The following PLA2G2C variants were observed in gnomAD, a reference collection of about 807,000 sequenced individuals.
The protein encoded by PLA2G2C is putative inactive group IIC secretory phospholipase A2.
Under a neutral mutation model 14.3 loss-of-function variants are expected in PLA2G2C, and 15 were observed. The ratio of observed to expected loss-of-function variants is 1.05; its 90% CI spans 0.70 to 1.62. The LOEUF (loss-of-function observed/expected upper bound fraction) is 1.62, where lower values mean the gene tolerates loss of function less well. PLA2G2C is among the 40% of genes most tolerant of loss of function. PLA2G2C has a pLI of 0.00. For synonymous variants in PLA2G2C, 79 were observed against 67.7 expected (o/e 1.17, Z -0.82); for missense variants, 162 against 173.2 (o/e 0.94, Z 0.36).
intron 4 of PLA2G2C, among the ~76,000 whole-genome samples, chr1:20,170,293 T>G (rs535351885): frequency 3.9e-5 from 6 of 152,370 alleles, no homozygotes; most frequent in Admixed American, 3.9e-4. Context: ...TCAAGACACA[T>G]GCATCTTAAT....
intron 2 of PLA2G2C, 175 bp from the exon 3 acceptor site, chr1:20,175,320 G>A (rs960769965): frequency 5.6e-6 from 5 of 899,370 alleles, no homozygotes; most frequent in East Asian, 2.6e-5. Context: ...AATAAAATAG[G>A]TTCAGATTTG....
intron 3 of PLA2G2C, among the ~76,000 whole-genome samples, chr1:20,173,386 T>C (rs2018123782): frequency 6.6e-6 from 1 of 152,182 alleles, no homozygotes; most frequent in Admixed American, 6.5e-5. Flanking sequence ...CTAGTATCTG[T>C]TGCTATCTCA....
chr1:20,185,006 T>C (rs751798061), intron 1 of PLA2G2C, among the ~76,000 whole-genome samples: 11 of 151,898 alleles, frequency 7.2e-5, no homozygotes, highest in Non-Finnish European at 1.3e-4. Context: ...TAATAAAAAT[T>C]AGCCAAGCAT....
At chr1:20,174,937 T>C in intron 3 of PLA2G2C, 70 bp downstream of exon 3, 1 of 1,420,320 alleles carries the variant, frequency 7.0e-7, no homozygotes, top group Non-Finnish European at 9.6e-7. Flanking sequence ...CCTAACACCC[T>C]CTCTCTGGCT....
intron 4 of PLA2G2C, among the ~76,000 whole-genome samples, chr1:20,170,647 G>T (rs1215582363): frequency 6.6e-6 from 1 of 152,140 alleles, no homozygotes; most frequent in Non-Finnish European, 1.5e-5. Context: ...GGCAAGGTGG[G>T]GGTGGGGATG....
At chr1:20,180,936 T>C (rs767224609) in intron 1 of PLA2G2C, among the ~76,000 whole-genome samples, 9 of 152,242 alleles carry the variant, frequency 5.9e-5, no homozygotes, top group Non-Finnish European at 8.8e-5. Flanking sequence ...TTCCTCCCCA[T>C]AGAGAAAATA....
At chr1:20,180,810 G>A (rs1353173353) in intron 1 of PLA2G2C, among the ~76,000 whole-genome samples, 1 of 152,236 alleles carries the variant, frequency 6.6e-6, no homozygotes, top group African/African-American at 2.4e-5. Flanking sequence ...GGCCTCCCAC[G>A]CCAGCCCCTA....
rs3035013 is a variant in PLA2G2C at position 20,179,735 on chromosome 1, AGTGTGTGT to A, written c.-76-2304_-76-2297del. On this transcript the variant is annotated intron_variant, in intron 1 of 4. Transcript: ENST00000679259. ...GTGTGTCAGCTTCTCCCTCTATGTC[AGTGTGTGT>A]GTGTGTGTGTGTGTGTGTGTGTGTG... Among the ~76,000 whole-genome samples, 126 of 111,568 alleles carry A rather than the reference AGTGTGTGT, an allele frequency of 1.1e-3. 1 individual carries two copies. Among genetic ancestry groups the A allele is most frequent in the African/African-American group, 2.1e-3 (62 of 29,540 alleles). The allele number at this position is 111,568 out of a possible 152,430, so 73.2% of individuals were successfully genotyped here.
chr1:20,183,264 A>G (rs1006727812), intron 1 of PLA2G2C, among the ~76,000 whole-genome samples: 3 of 152,226 alleles, frequency 2.0e-5, no homozygotes, highest in Admixed American at 6.5e-5. Context: ...CATTTACCTA[A>G]CGTCTTCAGC....
chr1:20,172,906 G>A lies in PLA2G2C; in HGVS notation c.180-9C>T, dbSNP rs377736308. 1.1e-4 allele frequency: 173 copies of A among 1,607,268 alleles called. No homozygotes were observed. The African/African-American group carries it at 2.1e-3, about 20-fold the overall frequency. ...GAGATGAGGGGCTGTGCCTGGAAGT[G>A]GGTCCCTCAGGAATCTGCTGGAGGA... is the stretch of plus-strand genomic sequence containing the variant. On this transcript the variant is annotated splice_polypyrimidine_tract_variant and intron_variant, in intron 3 of 4. Coordinates refer to ENST00000679259, the MANE Select transcript of PLA2G2C (RefSeq NM_001367969.2).
chr1:20,169,909 G>A (rs1352274622), intron 4 of PLA2G2C, among the ~76,000 whole-genome samples: 1 of 152,238 alleles, frequency 6.6e-6, no homozygotes, highest in African/African-American at 2.4e-5. Flanking sequence ...CCAGGGCAGA[G>A]CATTCTGACC....
chr1:20,163,864 T>A lies in PLA2G2C; in HGVS notation c.*127A>T, dbSNP rs2017912418. ...CAGAATGCTGAAGGGTGAGCTGCCC[T>A]GCGGGAGACATTTTGTCCTCCCTCC... On this transcript the variant is annotated 3_prime_UTR_variant, in exon 5 of 5. Coordinates refer to ENST00000679259, the MANE Select transcript of PLA2G2C (RefSeq NM_001367969.2). 4 of 1,084,946 alleles carry A rather than the reference T, an allele frequency of 3.7e-6. No individual in the cohort carries two copies. Among genetic ancestry groups the A allele is most frequent in the Non-Finnish European group, 5.2e-6 (4 of 772,806 alleles). The allele number at this position is 1,084,946 out of a possible 1,614,324, so 67.2% of individuals were successfully genotyped here. A position where few individuals can be genotyped will look rare whatever the true frequency, so the allele number is the denominator to read the frequency against.
chr1:20,181,636 G>A (rs777929670), intron 1 of PLA2G2C, among the ~76,000 whole-genome samples: 3 of 151,818 alleles, frequency 2.0e-5, no homozygotes, highest in Admixed American at 6.6e-5. Context: ...TTTAGATGCA[G>A]TTCTAACAAG....
rs758545274 is a variant in PLA2G2C, at chr1:20,163,658, G to A, written c.*333C>T. ...GTGGGGTTGGGTGCATCTCTATCCC[G>A]TCCCTTTGTTTTACTGCATCATAGC... On this transcript the variant is annotated 3_prime_UTR_variant, in exon 5 of 5. Transcript: ENST00000679259. The A allele has an allele frequency of 1.3e-4, 27 of 200,978 alleles. No individual in the cohort carries two copies. The highest frequency in any genetic ancestry group is 1.4e-4 in the African/African-American group (6 of 42,700). The allele number at this position is 200,978 out of a possible 1,614,324, so 12.4% of individuals were successfully genotyped here.
At chr1:20,184,499 A>C (rs2018332702) in intron 1 of PLA2G2C, 1 of 152,294 alleles carries the variant, frequency 6.6e-6, no homozygotes, top group Admixed American at 6.5e-5. Flanking sequence ...CAACCCAAAG[A>C]AGAGGCCTGG....
At chr1:20,167,427 G>T (rs1191068842) in intron 4 of PLA2G2C, among the ~76,000 whole-genome samples, 1 of 152,124 alleles carries the variant, frequency 6.6e-6, no homozygotes, top group East Asian at 1.9e-4. Flanking sequence ...CAGGAGCCTG[G>T]GGTGCAGCCT....
At chr1:20,164,185 G>T in intron 4 of PLA2G2C, 28 bp from the exon 5 acceptor site, 2 of 1,597,728 alleles carry the variant, frequency 1.3e-6, no homozygotes, top group Admixed American at 1.7e-5. Flanking sequence ...GTCACTGGGG[G>T]CTCCCAGCCC....
intron 4 of PLA2G2C, among the ~76,000 whole-genome samples, chr1:20,168,205 C>T (rs1230498815): frequency 3.9e-5 from 6 of 152,240 alleles, no homozygotes; most frequent in Admixed American, 2.6e-4. Flanking sequence ...CTTCCCTCTC[C>T]AAGCCTGTTT....
At chr1:20,172,757 G>A (rs536208244) in intron 4 of PLA2G2C, 37 bp downstream of exon 4, 30 of 1,550,558 alleles carry the variant, frequency 1.9e-5, no homozygotes, top group Non-Finnish European at 2.5e-5. Flanking sequence ...GAAAGGCCCA[G>A]GTTAAAAGAC....
Sources: allele counts gnomAD v4.1 joint callset (sites outside exome capture counted in the v4.1 genomes callset), GRCh38; gene constraint gnomAD v4.1.1; transcripts MANE v1.5; gene names NCBI Gene and HGNC (gene_info 2026-07-23, HGNC 2026-07-21).